The following B3GLCT variants were observed in gnomAD, a reference collection of about 807,000 sequenced individuals.
B3GLCT encodes the protein beta-1,3-glucosyltransferase.
A neutral mutation model predicts 63.4 loss-of-function variants in B3GLCT; 65 were observed. That is an observed-to-expected ratio of 1.03 (90% CI 0.84 to 1.26). B3GLCT has a LOEUF of 1.26. B3GLCT is among the 50% of genes most tolerant of loss of function. The pLI is 0.00. For missense variants in B3GLCT, 577 were observed against 604.8 expected, an observed-to-expected ratio of 0.95 and a Z score of 0.48; for synonymous variants, 233 against 219.2, an observed-to-expected ratio of 1.06 and a Z score of -0.55.
chr13:31,298,917 G>T (rs1288244008), intron 12 of B3GLCT, among the ~76,000 whole-genome samples: 1 of 152,216 alleles, frequency 6.6e-6, no homozygotes, highest in Non-Finnish European at 1.5e-5. Flanking sequence ...CATAGTTATG[G>T]TTTTTTGCTT....
intron 10 of B3GLCT, among the ~76,000 whole-genome samples, chr13:31,277,103 C>T (rs979839891): frequency 1.3e-5 from 2 of 152,096 alleles, no homozygotes; most frequent in African/African-American, 4.8e-5. Flanking sequence ...TAGGTCTGTG[C>T]GCAGTCTCTA....
intron 12 of B3GLCT, chr13:31,312,348 A>G (rs909682690): frequency 1.1e-4 from 17 of 152,232 alleles, no homozygotes; most frequent in African/African-American, 4.1e-4. Flanking sequence ...AGGATACTCT[A>G]TGTGTAAGCC....
chr13:31,223,087 G>T, intron 3 of B3GLCT, 96 bp downstream of exon 3: 1 of 850,574 alleles, frequency 1.2e-6, no homozygotes. Context: ...TTTTATTTAT[G>T]GGGTAAATAT....
At chr13:31,263,003 T>A (rs1393985085) in intron 7 of B3GLCT, among the ~76,000 whole-genome samples, 1 of 152,212 alleles carries the variant, frequency 6.6e-6, no homozygotes, top group African/African-American at 2.4e-5. Flanking sequence ...AGCTCTTGCC[T>A]GCCCTGTAAA....
chr13:31,328,491 C>T (rs910705893), intron 14 of B3GLCT, among the ~76,000 whole-genome samples: 2 of 151,866 alleles, frequency 1.3e-5, no homozygotes, highest in African/African-American at 2.4e-5. Flanking sequence ...GTCAGGGGTT[C>T]GAGACCAGGC....
intron 12 of B3GLCT, among the ~76,000 whole-genome samples, chr13:31,290,124 T>A (rs1164749151): frequency 6.6e-6 from 1 of 152,190 alleles, no homozygotes; most frequent in Non-Finnish European, 1.5e-5. Context: ...GGCGTTTGGT[T>A]TTCTGTTCCT....
chr13:31,273,644 C>A (rs934907970), intron 8 of B3GLCT, among the ~76,000 whole-genome samples: 3 of 151,780 alleles, frequency 2.0e-5, no homozygotes, highest in African/African-American at 7.3e-5. Flanking sequence ...TCTGTAAGCA[C>A]CCTTGTTCCT....
rs1566102787 is a variant in B3GLCT at position 31,329,567 on chromosome 13, T to G, written c.1396T>G (p.Trp466Gly). ...HQVPISFHKH[W>G]NIDPVKVYFT... is the part of the protein sequence containing the mutation. ...AGTTCCCATATCGTTCCACAAACACTGGAACATCGATCCAGTGAAGGTGTA... is the reference window on the plus strand; with the variant it reads ...AGTTCCCATATCGTTCCACAAACACGGGAACATCGATCCAGTGAAGGTGTA... Residue 466 changes from tryptophan to glycine, a missense_variant, in exon 15 of 15, where the codon TGG becomes GGG. By Grantham distance (184) the Trp-to-Gly change is radical (BLOSUM62 -2). Coordinates refer to ENST00000343307, the MANE Select transcript of B3GLCT (RefSeq NM_194318.4). The G allele has an allele frequency of 6.2e-7, 1 of 1,614,106 alleles. No homozygotes were observed. Among genetic ancestry groups the G allele is most frequent in the Non-Finnish European group, 8.5e-7 (1 of 1,180,050 alleles).
Position 31,217,715 on chromosome 13 carries a change from G to C in B3GLCT, c.120+2615G>C, listed in dbSNP as rs560530561. On this transcript the variant is annotated intron_variant, in intron 2 of 14. Coordinates refer to ENST00000343307, the MANE Select transcript of B3GLCT (RefSeq NM_194318.4). ...ATAGTGAGTCCTTTCCCCATTGCTT[G>C]TTTTTGTCAAAGATCAGATGGTTGT... 5.9e-5 allele frequency among the ~76,000 whole-genome samples: 9 copies of C among 152,228 alleles called. No individual in the cohort carries two copies. The South Asian group carries it at 1.7e-3, about 28-fold the overall frequency.
At chr13:31,262,251 G>A (rs1374823753) in intron 7 of B3GLCT, among the ~76,000 whole-genome samples, 29 of 152,196 alleles carry the variant, frequency 1.9e-4, no homozygotes, top group Non-Finnish European at 1.2e-4. Flanking sequence ...AATTCCATGA[G>A]CCATCTATAT....
At position 31,255,011 on chromosome 13, in the gene B3GLCT, C is replaced by T. The variant is rs1871653553; in HGVS notation, c.460-5935C>T. ...GAGATGGCGCCACTGCACTCCCGCCCAGGTGACAGTGCAAAGACGCTGTCT... is the reference window on the plus strand; with the variant it reads ...GAGATGGCGCCACTGCACTCCCGCCTAGGTGACAGTGCAAAGACGCTGTCT... On this transcript the variant is annotated intron_variant, in intron 6 of 14. Coordinates refer to ENST00000343307, the MANE Select transcript of B3GLCT (RefSeq NM_194318.4). Among the ~76,000 whole-genome samples, 3 of 139,646 alleles carry T rather than the reference C, an allele frequency of 2.1e-5. No individual in the cohort carries two copies. The South Asian group carries it at 7.1e-4, about 33-fold the overall frequency. 91.6% of individuals were successfully genotyped at this position (139,646 alleles called of 152,430 possible).
chr13:31,281,845 GTTCATT>G (rs1873084561), intron 10 of B3GLCT, among the ~76,000 whole-genome samples: 1 of 152,156 alleles, frequency 6.6e-6, no homozygotes, highest in Admixed American at 6.5e-5. Flanking sequence ...CAAGTGTCAA[GTTCATT>G]TTCATTTATA....
At chr13:31,301,249 A>G (rs1048335099) in intron 12 of B3GLCT, among the ~76,000 whole-genome samples, 3 of 152,322 alleles carry the variant, frequency 2.0e-5, no homozygotes, top group Non-Finnish European at 1.5e-5. Flanking sequence ...AACCTTTGCC[A>G]TAAGCCCCAG....
chr13:31,261,127 A>C, intron 7 of B3GLCT, 45 bp downstream of exon 7: 1 of 1,574,374 alleles, frequency 6.4e-7, no homozygotes, highest in Non-Finnish European at 8.7e-7. Context: ...AGGGGTGTGC[A>C]TCAACTTTAA....
chr13:31,250,644 G>T (rs562431213), intron 6 of B3GLCT, among the ~76,000 whole-genome samples: 1 of 152,228 alleles, frequency 6.6e-6, no homozygotes, highest in East Asian at 1.9e-4. Flanking sequence ...GGCCTCTGCC[G>T]CCAGACTGCC....
intron 4 of B3GLCT, among the ~76,000 whole-genome samples, chr13:31,232,772 C>CTTCTATTGTATACT (rs1483595172): frequency 6.6e-6 from 1 of 152,208 alleles, no homozygotes; most frequent in Non-Finnish European, 1.5e-5. Flanking sequence ...CTTGGACAAA[C>CTTCTATTGTATACT]TTCTATTGTA....
intron 1 of B3GLCT, among the ~76,000 whole-genome samples, chr13:31,211,065 C>G (rs961592477): frequency 1.6e-4 from 24 of 152,102 alleles, no homozygotes; most frequent in African/African-American, 5.8e-4. Context: ...TTGATGATTT[C>G]TTTTGATTTA....
chr13:31,212,547 A>G lies in B3GLCT; in HGVS notation c.71-2504A>G, dbSNP rs556023129. On this transcript the variant is annotated intron_variant, in intron 1 of 14. Coordinates refer to ENST00000343307, the MANE Select transcript of B3GLCT (RefSeq NM_194318.4). The stretch of plus-strand genomic sequence containing the variant: ...CTCGGCCTCCCAAAGTGCTGGGATT[A>G]CAGGCGTGGGCCACTGGGTCCGGCC... 2.9e-4 allele frequency among the ~76,000 whole-genome samples: 44 copies of G among 152,234 alleles called. 1 individual carries two copies. The South Asian group carries it at 5.8e-3, about 20-fold the overall frequency.
At chr13:31,322,505 C>T (rs1048895422) in intron 13 of B3GLCT, among the ~76,000 whole-genome samples, 2 of 152,190 alleles carry the variant, frequency 1.3e-5, no homozygotes, top group Non-Finnish European at 1.5e-5. Flanking sequence ...TTCTTTCCCA[C>T]GATGATATGA....
Sources: gnomAD v4.1 joint callset for allele counts (sites outside exome capture counted in the v4.1 genomes callset) on GRCh38, gnomAD v4.1.1 for gene constraint, MANE v1.5 for transcripts, NCBI Gene and HGNC (gene_info 2026-07-23, HGNC 2026-07-21) for gene names.